The following BLOC1S5 variants were observed in gnomAD, a reference collection of about 807,000 sequenced individuals.
BLOC1S5 encodes biogenesis of lysosome-related organelles complex 1 subunit 5.
Under a neutral mutation model 24.3 loss-of-function variants are expected in BLOC1S5, and 27 were observed. The observed-to-expected ratio is 1.11, with a 90% CI of 0.82 to 1.53. The LOEUF is 1.53. Ranked by LOEUF, BLOC1S5 falls within the 40% of genes most tolerant of loss-of-function variation. The pLI, the probability that BLOC1S5 is intolerant of heterozygous loss-of-function variation, is 0.00. For missense variants in BLOC1S5, 239 were observed against 229.4 expected, an observed-to-expected ratio of 1.04 and a Z score of -0.27; for synonymous variants, 84 against 74.5, an observed-to-expected ratio of 1.13 and a Z score of -0.66.
At chr6:8,036,555 G>A (rs1392494737) in intron 3 of BLOC1S5, among the ~76,000 whole-genome samples, 3 of 152,042 alleles carry the variant, frequency 2.0e-5, no homozygotes, top group Non-Finnish European at 4.4e-5. Flanking sequence ...GAAAAGCCCA[G>A]GACTTAATGG....
At chr6:8,057,492 T>C (rs776465421) in intron 2 of BLOC1S5, among the ~76,000 whole-genome samples, 20 of 152,254 alleles carry the variant, frequency 1.3e-4, no homozygotes, top group Non-Finnish European at 2.8e-4. Flanking sequence ...GTTTCTGATG[T>C]AATCTGATAG....
At chr6:8,018,285 T>A (rs1029918796) in intron 4 of BLOC1S5, among the ~76,000 whole-genome samples, 5 of 152,156 alleles carry the variant, frequency 3.3e-5, no homozygotes, top group Non-Finnish European at 5.9e-5. Flanking sequence ...ACTGTTACAG[T>A]CTAAGAGAAA....
chr6:8,048,806 A>T (rs970655194), intron 2 of BLOC1S5, among the ~76,000 whole-genome samples: 39 of 151,656 alleles, frequency 2.6e-4, no homozygotes, highest in Non-Finnish European at 5.7e-4. Context: ...TGAGGTCAGG[A>T]GTTCAAGACC....
rs1326711277 is a variant in BLOC1S5 at position 8,015,371 on chromosome 6, T to C, written c.*278A>G. ...TCTCTGAGCTAATCAATGGAAAAGATGATCAATTCTGACTAACAAAGAGTA... is the reference window on the plus strand; with the variant it reads ...TCTCTGAGCTAATCAATGGAAAAGACGATCAATTCTGACTAACAAAGAGTA... On this transcript the variant is annotated 3_prime_UTR_variant, in exon 5 of 5. Coordinates refer to ENST00000397457, the MANE Select transcript of BLOC1S5 (RefSeq NM_201280.3). 4 of 330,650 alleles carry C rather than the reference T, an allele frequency of 1.2e-5. No homozygotes were observed. The highest frequency in any genetic ancestry group is 2.2e-5 in the Non-Finnish European group (4 of 182,274). The allele number at this position is 330,650 out of a possible 1,614,324, so 20.5% of individuals were successfully genotyped here. A position where few individuals can be genotyped will look rare whatever the true frequency, so the allele number is the denominator to read the frequency against.
chr6:8,017,342 A>C (rs12195730), intron 4 of BLOC1S5, among the ~76,000 whole-genome samples: 23,816 of 151,986 alleles, frequency 0.16, 1,941 homozygotes, highest in Admixed American at 0.19. Context: ...TGCACCACTG[A>C]ACTCCAGCCT....
chr6:8,016,154 C>T lies in BLOC1S5; in HGVS notation c.385-326G>A, dbSNP rs1365237612. 3.9e-5 allele frequency among the ~76,000 whole-genome samples: 6 copies of T among 152,198 alleles called. 1 individual carries two copies. Among genetic ancestry groups the T allele is most frequent in the Non-Finnish European group, 2.9e-5 (2 of 68,002 alleles). On this transcript the variant is annotated intron_variant, in intron 4 of 4. Transcript: ENST00000397457. ...CAGCCTGGCCAACATGGCAAAACTCCGTCTCTACTAAAAATACAAAAATTA... is the reference window on the plus strand; with the variant it reads ...CAGCCTGGCCAACATGGCAAAACTCTGTCTCTACTAAAAATACAAAAATTA...
intron 2 of BLOC1S5, among the ~76,000 whole-genome samples, chr6:8,055,834 CT>C (rs1764286065): frequency 6.6e-6 from 1 of 152,158 alleles, no homozygotes; most frequent in Non-Finnish European, 1.5e-5. Flanking sequence ...CCAGTTTCTG[CT>C]GCTGTTCTCC....
chr6:8,029,827 T>C (rs76010976), intron 3 of BLOC1S5, among the ~76,000 whole-genome samples: 5,956 of 152,148 alleles, frequency 0.039, 371 homozygotes, highest in African/African-American at 0.13. Flanking sequence ...GAAGCAGTGA[T>C]CTAGTGAAAG....
chr6:8,015,796 T>C lies in BLOC1S5; in HGVS notation c.417A>G (p.Lys139=). Residue 139 remains lysine (K), a synonymous_variant, in exon 5 of 5, where the codon AAA becomes AAG. Coordinates refer to ENST00000397457, the MANE Select transcript of BLOC1S5 (RefSeq NM_201280.3). ...AGTTGTCCCACTGGAGCATATGCTG[T>C]TTCTCACTAGCTACTAAGTGGTCAC... The part of the protein sequence containing the change: ...IHSDHLVASE[K]QHMLQWDNFM... The C allele has an allele frequency of 6.2e-7, 1 of 1,613,590 alleles. No homozygotes were observed. Among genetic ancestry groups the C allele is most frequent in the South Asian group, 1.1e-5 (1 of 90,874 alleles).
chr6:8,020,359 G>T (rs997588855), intron 4 of BLOC1S5, among the ~76,000 whole-genome samples: 2 of 152,184 alleles, frequency 1.3e-5, no homozygotes, highest in Non-Finnish European at 2.9e-5. Flanking sequence ...ACATCTTGTC[G>T]CTTTTTTCTC....
At chr6:8,053,765 A>G (rs2113595164) in intron 2 of BLOC1S5, among the ~76,000 whole-genome samples, 1 of 152,258 alleles carries the variant, frequency 6.6e-6, no homozygotes. Flanking sequence ...GACTTTTCTT[A>G]TTTCATGAGT....
At chr6:8,024,950 A>C (rs1316243514) in intron 4 of BLOC1S5, among the ~76,000 whole-genome samples, 1 of 152,206 alleles carries the variant, frequency 6.6e-6, no homozygotes, top group African/African-American at 2.4e-5. Flanking sequence ...GAAGCCAGGT[A>C]TTTCTTACCC....
chr6:8,049,819 C>T (rs1215741920), intron 2 of BLOC1S5, among the ~76,000 whole-genome samples: 1 of 151,984 alleles, frequency 6.6e-6, no homozygotes, highest in South Asian at 2.1e-4. Context: ...TCAAGCGATC[C>T]TCCCGCCTCA....
intron 2 of BLOC1S5, among the ~76,000 whole-genome samples, chr6:8,045,516 C>T (rs1005432963): frequency 2.0e-5 from 3 of 152,144 alleles, no homozygotes; most frequent in Non-Finnish European, 2.9e-5. Context: ...GGTAGATCCA[C>T]CGACAGCTTG....
intron 2 of BLOC1S5, among the ~76,000 whole-genome samples, chr6:8,055,801 G>A (rs192344410): frequency 6.6e-6 from 1 of 152,282 alleles, no homozygotes; most frequent in African/African-American, 2.4e-5. Context: ...CTACTCCTAA[G>A]TTGGAGCCTG....
At chr6:8,019,321 T>C (rs563313054) in intron 4 of BLOC1S5, among the ~76,000 whole-genome samples, 48 of 148,420 alleles carry the variant, frequency 3.2e-4, no homozygotes, top group Non-Finnish European at 5.3e-4. Context: ...CAGGCTGGAG[T>C]GCAATGGCAC....
intron 2 of BLOC1S5, among the ~76,000 whole-genome samples, chr6:8,055,084 T>C (rs1268079015): frequency 6.6e-6 from 1 of 152,242 alleles, no homozygotes; most frequent in Non-Finnish European, 1.5e-5. Context: ...TTATGAGTTA[T>C]ATCGTTCTTT....
chr6:8,026,737 AC>A (rs544873713), intron 3 of BLOC1S5, among the ~76,000 whole-genome samples: 204 of 152,306 alleles, frequency 1.3e-3, no homozygotes, highest in African/African-American at 4.7e-3. Context: ...TAACCACATC[AC>A]TTCAACAACT....
At chr6:8,029,432 C>T (rs1487626116) in intron 3 of BLOC1S5, among the ~76,000 whole-genome samples, 2 of 152,214 alleles carry the variant, frequency 1.3e-5, no homozygotes, top group Non-Finnish European at 2.9e-5. Context: ...GCTGGATGAT[C>T]TGCTTCCCCA....
Sources: allele counts gnomAD v4.1 joint callset (sites outside exome capture counted in the v4.1 genomes callset), GRCh38; gene constraint gnomAD v4.1.1; transcripts MANE v1.5; gene names NCBI Gene and HGNC (gene_info 2026-07-23, HGNC 2026-07-21).